Variants in KCNH7 observed in about 807,000 individuals in gnomAD.
The protein encoded by KCNH7 is voltage-gated inwardly rectifying potassium channel KCNH7.
Under a neutral mutation model 120.8 loss-of-function variants are expected in KCNH7, and 49 were observed. That is an observed-to-expected ratio of 0.41 (90% CI 0.32 to 0.51). KCNH7 has a LOEUF of 0.51. KCNH7 is among the 20% of genes least tolerant of loss of function. KCNH7 has a pLI of 0.38. For missense variants in KCNH7, 1,097 were observed against 1,446.6 expected (o/e 0.76, Z 3.92); for synonymous variants, 547 against 516.1 (o/e 1.06, Z -0.81).
In KCNH7 at chr2:162,545,046, C is replaced by CA. The variant is rs34117968; in HGVS notation, c.308-7967dup. 7.7e-3 allele frequency among the ~76,000 whole-genome samples: 1,169 copies of CA among 152,228 alleles called. 12 individuals are homozygous for CA. Among genetic ancestry groups the CA allele is most frequent in the South Asian group, 0.01 (50 of 4,820 alleles). ...TGTTTCTCAGGAGAAAACCTTATCT[C>CA]AGAGAATTTTCTCAACTAAGTAGCA... On this transcript the variant is annotated intron_variant, in intron 2 of 15. Transcript: ENST00000332142.
At chr2:162,755,241 G>T (rs536046664) in intron 2 of KCNH7, among the ~76,000 whole-genome samples, 1 of 152,236 alleles carries the variant, frequency 6.6e-6, no homozygotes, top group African/African-American at 2.4e-5. Context: ...GCCAAGGCAG[G>T]TGGATTACCT....
intron 2 of KCNH7, among the ~76,000 whole-genome samples, chr2:162,570,475 T>G (rs1693429265): frequency 6.6e-6 from 1 of 152,100 alleles, no homozygotes; most frequent in Non-Finnish European, 1.5e-5. Context: ...GGGTCTTGAC[T>G]CTTTATCCAA....
At chr2:162,449,733 G>A (rs1421029225) in intron 6 of KCNH7, among the ~76,000 whole-genome samples, 1 of 151,958 alleles carries the variant, frequency 6.6e-6, no homozygotes. Context: ...ACCTCCAGAA[G>A]GAAACAACCT....
intron 2 of KCNH7, among the ~76,000 whole-genome samples, chr2:162,615,730 G>C (rs1471556912): frequency 3.3e-5 from 5 of 152,026 alleles, no homozygotes; most frequent in African/African-American, 9.7e-5. Flanking sequence ...ATGAGGTTAT[G>C]AAACTCTCCT....
In KCNH7 at chr2:162,753,023, G is replaced by GAAAAGAA. The variant is rs1688653871; in HGVS notation, c.307+83507_307+83513dup. On this transcript the variant is annotated intron_variant, in intron 2 of 15. Coordinates refer to ENST00000332142, the MANE Select transcript of KCNH7 (RefSeq NM_033272.4). ...GAAAAGAAAAGAAAAGAAAAGAAAA[G>GAAAAGAA]AAAAGAAACCCTGACTAATAATAAT... Among the ~76,000 whole-genome samples the GAAAAGAA allele has an allele frequency of 4.1e-5, 6 of 144,608 alleles. 1 individual carries two copies. The highest frequency in any genetic ancestry group is 1.3e-4 in the African/African-American group (5 of 38,274). The allele number at this position is 144,608 out of a possible 152,430, so 94.9% of individuals were successfully genotyped here.
At chr2:162,721,121 G>T (rs193088406) in intron 2 of KCNH7, among the ~76,000 whole-genome samples, 2 of 152,230 alleles carry the variant, frequency 1.3e-5, no homozygotes, top group African/African-American at 4.8e-5. Context: ...TCATTGTGTG[G>T]CATTTCTACC....
Position 162,533,689 on chromosome 2 carries a change from AAGAG to A in KCNH7, c.463+3232_463+3235del, listed in dbSNP as rs1262657460. Among the ~76,000 whole-genome samples the A allele has an allele frequency of 3.3e-5, 5 of 151,858 alleles. No individual in the cohort carries two copies. In the East Asian group the frequency reaches 7.8e-4, roughly 24 times the overall value. On this transcript the variant is annotated intron_variant, in intron 3 of 15. Transcript: ENST00000332142. ...GCAATATTCATAAAACAGAAATTGCAAGAGAGAGAATGAAAAATACCAAGAAATA... is the reference window on the plus strand; with the variant it reads ...GCAATATTCATAAAACAGAAATTGCAAGAGAATGAAAAATACCAAGAAATA...
At chr2:162,691,790 A>T (rs1280908395) in intron 2 of KCNH7, among the ~76,000 whole-genome samples, 2 of 152,194 alleles carry the variant, frequency 1.3e-5, no homozygotes, top group African/African-American at 4.8e-5. Context: ...AATTTGGCAG[A>T]TTATGTCACA....
At chr2:162,793,023 T>A (rs998393135) in intron 2 of KCNH7, among the ~76,000 whole-genome samples, 2 of 152,090 alleles carry the variant, frequency 1.3e-5, no homozygotes, top group Non-Finnish European at 2.9e-5. Context: ...GTTGTATCTT[T>A]GTTCTTACTA....
chr2:162,820,141 G>A (rs1287863277), intron 2 of KCNH7, among the ~76,000 whole-genome samples: 1 of 140,814 alleles, frequency 7.1e-6, no homozygotes, highest in Admixed American at 7.8e-5. Context: ...CTGGGTTCAC[G>A]CCATTCTCCT....
intron 6 of KCNH7, among the ~76,000 whole-genome samples, chr2:162,473,098 C>T (rs985373200): frequency 1.3e-5 from 2 of 151,946 alleles, no homozygotes; most frequent in African/African-American, 4.8e-5. Context: ...GGAGGGATAG[C>T]ATTAGGAGAT....
intron 2 of KCNH7, among the ~76,000 whole-genome samples, chr2:162,635,996 C>G (rs1574201175): frequency 6.6e-6 from 1 of 152,056 alleles, no homozygotes; most frequent in East Asian, 1.9e-4. Flanking sequence ...GCTCACTTTA[C>G]CTCTCTTGGA....
chr2:162,503,308 C>G (rs903093131), intron 6 of KCNH7, among the ~76,000 whole-genome samples: 4 of 151,854 alleles, frequency 2.6e-5, no homozygotes, highest in Non-Finnish European at 5.9e-5. Context: ...AAGGAAAACA[C>G]AAAGCTATCA....
At chr2:162,678,892 A>G (rs1574256133) in intron 2 of KCNH7, among the ~76,000 whole-genome samples, 1 of 151,744 alleles carries the variant, frequency 6.6e-6, no homozygotes, top group East Asian at 1.9e-4. Flanking sequence ...TTGAGATTGA[A>G]TAAAGATCAT....
chr2:162,469,179 GGTAT>G (rs1320449922), intron 6 of KCNH7, among the ~76,000 whole-genome samples: 1 of 149,570 alleles, frequency 6.7e-6, no homozygotes, highest in Non-Finnish European at 1.5e-5. Context: ...AAGTTAAGGT[GGTAT>G]GTAATAGCTA....
At chr2:162,589,301 G>A (rs564405796) in intron 2 of KCNH7, among the ~76,000 whole-genome samples, 2 of 152,094 alleles carry the variant, frequency 1.3e-5, no homozygotes, top group African/African-American at 4.8e-5. Flanking sequence ...CACTTCTGTA[G>A]AAGGCAGTCT....
chr2:162,699,661 A>T (rs1686419499), intron 2 of KCNH7, among the ~76,000 whole-genome samples: 1 of 152,164 alleles, frequency 6.6e-6, no homozygotes, highest in African/African-American at 2.4e-5. Flanking sequence ...AGTTGATAGC[A>T]TGTCTTTTAT....
At chr2:162,462,121 C>T (rs563034897) in intron 6 of KCNH7, among the ~76,000 whole-genome samples, 45 of 151,880 alleles carry the variant, frequency 3.0e-4, no homozygotes, top group South Asian at 8.3e-4. Context: ...ACAATTGCAA[C>T]GAATTAGTAT....
intron 6 of KCNH7, among the ~76,000 whole-genome samples, chr2:162,467,513 C>G (rs13398374): frequency 1.3e-5 from 2 of 152,008 alleles, no homozygotes; most frequent in Admixed American, 6.6e-5. Context: ...CTGTACAAAC[C>G]GGGCTCTCTT....
Sources: allele counts gnomAD v4.1 joint callset (sites outside exome capture counted in the v4.1 genomes callset), GRCh38; gene constraint gnomAD v4.1.1; transcripts MANE v1.5; gene names NCBI Gene and HGNC (gene_info 2026-07-23, HGNC 2026-07-21).